RALGAPA1: variants seen among roughly 807,000 people sequenced by gnomAD.
RALGAPA1 encodes ral GTPase-activating protein subunit alpha-1.
Under a neutral mutation model 269.6 loss-of-function variants are expected in RALGAPA1, and 52 were observed. The observed-to-expected ratio is 0.19, with a 90% CI of 0.15 to 0.24. RALGAPA1 has a LOEUF of 0.24. Among genes scored for constraint, RALGAPA1 ranks in the 10% least tolerant of loss-of-function variants. The pLI, the probability that RALGAPA1 is intolerant of heterozygous loss-of-function variation, is 1.00. For synonymous variants in RALGAPA1, 817 were observed against 1,008.3 expected (o/e 0.81, Z 3.60); for missense variants, 1,917 against 3,013.9 (o/e 0.64, Z 8.52).
At chr14:35,627,003 G>T in intron 34 of RALGAPA1, 87 bp downstream of exon 34, 1 of 1,279,346 alleles carries the variant, frequency 7.8e-7, no homozygotes. Context: ...ATTTAGTGAG[G>T]AAAAGAACAG....
chr14:35,697,388 C>T (rs1442461679), intron 17 of RALGAPA1, among the ~76,000 whole-genome samples: 1 of 151,800 alleles, frequency 6.6e-6, no homozygotes, highest in Non-Finnish European at 1.5e-5. Flanking sequence ...GCTCTGTCGC[C>T]CAGGCTGGAG....
chr14:35,639,511 A>C (rs951415016), intron 31 of RALGAPA1, among the ~76,000 whole-genome samples: 13 of 152,222 alleles, frequency 8.5e-5, no homozygotes, highest in Non-Finnish European at 1.5e-4. Flanking sequence ...GACAGACCAT[A>C]TGTTAGGCCA....
chr14:35,638,015 A>G (rs954304649), intron 31 of RALGAPA1, among the ~76,000 whole-genome samples: 7 of 152,214 alleles, frequency 4.6e-5, no homozygotes, highest in African/African-American at 1.7e-4. Flanking sequence ...TCCCAGACAA[A>G]CAAAAGCTGA....
At chr14:35,646,499 T>A (rs1204753310) in intron 31 of RALGAPA1, among the ~76,000 whole-genome samples, 1 of 152,128 alleles carries the variant, frequency 6.6e-6, no homozygotes, top group African/African-American at 2.4e-5. Context: ...CTAATCATGA[T>A]GAAACACAAA....
chr14:35,664,731 A>G lies in RALGAPA1; in HGVS notation c.5239T>C (p.Leu1747=), dbSNP rs370698642. The G allele has an allele frequency of 1.4e-5, 22 of 1,612,332 alleles. No homozygotes were observed. In the African/African-American group the frequency reaches 2.4e-4, roughly 18 times the overall value. ...RVEAQVLLGS[L]VCFPNLYCEL... The stretch of plus-strand genomic sequence containing the variant: ...CAATATAAGTTGGGAAAGCAAACCA[A>G]AGATCCCAGAAGAACTTGTGCTTCT... The change falls in exon 27 of 42, where the codon TTG becomes CTG. Residue 1747 remains leucine (L), a synonymous_variant. Transcript: ENST00000680220.
chr14:35,582,920 C>T (rs1164991079), intron 37 of RALGAPA1, among the ~76,000 whole-genome samples: 1 of 152,174 alleles, frequency 6.6e-6, no homozygotes, highest in Non-Finnish European at 1.5e-5. Flanking sequence ...TCCAGGGCCA[C>T]AGGCTCAGCA....
intron 12 of RALGAPA1, among the ~76,000 whole-genome samples, chr14:35,735,911 G>C (rs983325734): frequency 3.9e-5 from 6 of 152,266 alleles, no homozygotes; most frequent in African/African-American, 1.4e-4. Context: ...GAGGAGCAAT[G>C]ATGGCCTTAT....
chr14:35,736,713 T>C (rs1031987308), intron 12 of RALGAPA1, among the ~76,000 whole-genome samples: 2 of 152,206 alleles, frequency 1.3e-5, no homozygotes, highest in African/African-American at 4.8e-5. Flanking sequence ...AGGTCACATG[T>C]GGCCTTGACA....
chr14:35,733,423 G>A (rs1299165756), intron 12 of RALGAPA1, among the ~76,000 whole-genome samples: 1 of 152,160 alleles, frequency 6.6e-6, no homozygotes, highest in African/African-American at 2.4e-5. Flanking sequence ...TATGCAGTGA[G>A]TTGAGATCGC....
At chr14:35,646,661 TTGCCCTACAGGA>T (rs1035391509) in intron 31 of RALGAPA1, among the ~76,000 whole-genome samples, 4 of 152,230 alleles carry the variant, frequency 2.6e-5, no homozygotes, top group African/African-American at 7.2e-5. Flanking sequence ...GGAATTTCTT[TTGCCCTACAGGA>T]TGTTAGTGAG....
intron 13 of RALGAPA1, among the ~76,000 whole-genome samples, chr14:35,726,474 A>G (rs528333200): frequency 6.6e-6 from 1 of 152,164 alleles, no homozygotes; most frequent in African/African-American, 2.4e-5. Flanking sequence ...AATAAAAATG[A>G]TTTTAATTAA....
Position 35,657,378 on chromosome 14 carries a change from C to CG in RALGAPA1, c.5388-1464dup, listed in dbSNP as rs559980592. Among the ~76,000 whole-genome samples the CG allele has an allele frequency of 5.6e-3, 845 of 151,668 alleles. 11 individuals carry two copies. Among genetic ancestry groups the CG allele is most frequent in the African/African-American group, 0.02 (816 of 41,360 alleles). On this transcript the variant is annotated intron_variant, in intron 28 of 41. Transcript: ENST00000680220. ...TAATTTTTTGTATTTTTAGTAGAGA[C>CG]GTGGTTTCACCATGTTGGCCAGGCT...
In RALGAPA1 at chr14:35,808,966, A is replaced by T; in HGVS notation, c.-131T>A. 1 of 1,443,562 alleles carries T rather than the reference A, an allele frequency of 6.9e-7. No homozygotes were observed. The highest frequency in any genetic ancestry group is 9.1e-7 in the Non-Finnish European group (1 of 1,099,856). The allele number at this position is 1,443,562 out of a possible 1,614,324, so 89.4% of individuals were successfully genotyped here. ...CATTAGCTCCCCAGCCTTGCGGGCC[A>T]GGGCAGAGCCGACTCCTTCCCGATC... On this transcript the variant is annotated 5_prime_UTR_variant, in exon 1 of 42. Coordinates refer to ENST00000680220, the MANE Select transcript of RALGAPA1 (RefSeq NM_001346249.2).
chr14:35,749,181 ATAACT>A (rs1259431346), intron 9 of RALGAPA1, among the ~76,000 whole-genome samples: 1 of 152,202 alleles, frequency 6.6e-6, no homozygotes, highest in African/African-American at 2.4e-5. Context: ...GAATAAGTAA[ATAACT>A]TAACATCAGA....
chr14:35,792,670 C>G (rs1201299748), intron 1 of RALGAPA1, among the ~76,000 whole-genome samples: 2 of 151,194 alleles, frequency 1.3e-5, no homozygotes, highest in Non-Finnish European at 2.9e-5. Context: ...GTAATCCCAG[C>G]TACTCAGGAG....
rs931032573 is a variant in RALGAPA1 at position 35,627,574 on chromosome 14, C to G, written c.6373G>C (p.Val2125Leu). 6.4e-7 allele frequency: 1 copy of G among 1,574,326 alleles called. No homozygotes were observed. The highest frequency in any genetic ancestry group is 1.4e-5 in the African/African-American group (1 of 73,314). The change falls in exon 34 of 42, where the codon GTA becomes CTA. Residue 2125 changes from valine to leucine, a missense_variant. By Grantham distance (32) the Val-to-Leu change is conservative. Around this residue, in one of 11 missense-constraint regions of RALGAPA1, gnomAD observed 346 missense variants for 566.1 expected, o/e 0.61. Coordinates refer to ENST00000680220, the MANE Select transcript of RALGAPA1 (RefSeq NM_001346249.2). ...GATGTAGGTTCTGACAAGCCACTTA[C>G]AGGAGGTGGGCCATACAGTATAGCA... ...DSAILYGPPP[V>L]SGLSEPTSFM...
chr14:35,672,152 T>C (rs1002497038), intron 25 of RALGAPA1, among the ~76,000 whole-genome samples: 1 of 152,168 alleles, frequency 6.6e-6, no homozygotes, highest in African/African-American at 2.4e-5. Flanking sequence ...TGAGACATGT[T>C]TACAAGGTAG....
intron 21 of RALGAPA1, among the ~76,000 whole-genome samples, chr14:35,680,274 C>T (rs183276029): frequency 1.2e-4 from 18 of 152,278 alleles, no homozygotes; most frequent in African/African-American, 4.1e-4. Context: ...GCGGCATGAT[C>T]GTGGCTCACT....
chr14:35,649,850 T>G (rs1411557852), intron 31 of RALGAPA1, among the ~76,000 whole-genome samples: 1 of 152,158 alleles, frequency 6.6e-6, no homozygotes, highest in African/African-American at 2.4e-5. Flanking sequence ...CTCTGTTTAG[T>G]GCCTAGCAGA....
Sources: gnomAD v4.1 joint callset for allele counts (sites outside exome capture counted in the v4.1 genomes callset) on GRCh38, gnomAD v4.1.1 for gene constraint, gnomAD v4.1.1 regional missense constraint, MANE v1.5 for transcripts, NCBI Gene and HGNC (gene_info 2026-07-23, HGNC 2026-07-21) for gene names.